Variants in MAP3K15 observed in about 807,000 individuals in gnomAD.
MAP3K15 encodes the protein MAPK/ERK kinase kinase 15.
MAP3K15 carries 124 observed loss-of-function variants against 99.5 expected under a neutral mutation model. That is an observed-to-expected ratio of 1.25 (90% CI 1.08 to 1.45). The LOEUF (loss-of-function observed/expected upper bound fraction) is 1.45, where lower values mean the gene tolerates loss of function less well. Among genes scored for constraint, MAP3K15 ranks in the 40% most tolerant of loss-of-function variants. MAP3K15 has a pLI of 0.00. For missense variants in MAP3K15, 1,242 were observed against 1,079.7 expected (o/e 1.15, Z -2.11); for synonymous variants, 494 against 439.6 (o/e 1.12, Z -1.55).
chrX:19,381,724 G>A (rs1357563236), intron 18 of MAP3K15, among the ~76,000 whole-genome samples: 3 of 112,304 alleles, frequency 2.7e-5, no homozygotes, highest in East Asian at 2.8e-4. Context: ...GACAGCACAC[G>A]GGGAGGTCAG....
At chrX:19,502,847 G>A (rs918688964) in intron 1 of MAP3K15, among the ~76,000 whole-genome samples, 3 of 111,523 alleles carry the variant, frequency 2.7e-5, no homozygotes, top group African/African-American at 9.8e-5. Flanking sequence ...TACCACTTTT[G>A]TATATAAATT....
In MAP3K15 at chrX:19,395,261, A is replaced by C. The variant is rs16981157; in HGVS notation, c.2067-53T>G. The C allele has an allele frequency of 0.015, 16,535 of 1,124,684 alleles. 1,347 individuals carry two copies. In the African/African-American group the frequency reaches 0.25, roughly 17 times the overall value. The allele number at this position is 1,124,684 out of a possible 1,213,427, so 92.7% of individuals were successfully genotyped here. A position where few individuals can be genotyped will look rare whatever the true frequency, so the allele number is the denominator to read the frequency against. On this transcript the variant is annotated intron_variant, in intron 15 of 28. Coordinates refer to ENST00000338883, the MANE Select transcript of MAP3K15 (RefSeq NM_001001671.4). ...CCTGCCAAATCCCAGGGACTCTAGA[A>C]CCACATCTCACCTCACCAGGACCTG...
chrX:19,367,968 C>A (rs575536891), intron 25 of MAP3K15, among the ~76,000 whole-genome samples: 1 of 106,295 alleles, frequency 9.4e-6, no homozygotes, highest in African/African-American at 3.4e-5. Context: ...AGGCTGGTCT[C>A]GAACCCCTAA....
At chrX:19,472,364 T>C (rs1445084476) in intron 3 of MAP3K15, among the ~76,000 whole-genome samples, 3 of 111,683 alleles carry the variant, frequency 2.7e-5, no homozygotes, top group Admixed American at 9.5e-5. Context: ...TAGTTATGCA[T>C]GCAATTATAA....
rs1198963253 is a variant in MAP3K15 at position 19,392,328 on chromosome X, T to C, written c.2325+15A>G. On this transcript the variant is annotated intron_variant, in intron 17 of 28. Transcript: ENST00000338883. ...ACGAGCAAAGGCAACCTCGTCAGCT[T>C]AAAAAAGCAAGTACCTTTATGTCTC... 1 of 1,201,559 alleles carries C rather than the reference T, an allele frequency of 8.3e-7. No individual in the cohort carries two copies. The highest frequency in any genetic ancestry group is 1.8e-5 in the South Asian group (1 of 54,998).
At chrX:19,514,292 G>A (rs2064540529) in intron 1 of MAP3K15, among the ~76,000 whole-genome samples, 1 of 106,581 alleles carries the variant, frequency 9.4e-6, no homozygotes, top group African/African-American at 3.4e-5. Flanking sequence ...TGGGACCCAC[G>A]GCCGTAAGAG....
chrX:19,498,083 T>C (rs922298897), intron 1 of MAP3K15, among the ~76,000 whole-genome samples: 11 of 112,293 alleles, frequency 9.8e-5, no homozygotes, highest in African/African-American at 3.2e-4. Flanking sequence ...AATGGAAATG[T>C]ATACTGATCG....
intron 9 of MAP3K15, among the ~76,000 whole-genome samples, chrX:19,423,791 C>T (rs908434379): frequency 8.1e-5 from 9 of 111,647 alleles, no homozygotes; most frequent in African/African-American, 2.9e-4. Context: ...ATAGTCTATG[C>T]TAACGATATG....
At chrX:19,426,483 T>C (rs2063831078) in intron 7 of MAP3K15, 140 bp from the exon 8 acceptor site, 4 of 346,809 alleles carry the variant, frequency 1.2e-5, no homozygotes, top group South Asian at 1.1e-4. Context: ...ACCACCACCT[T>C]TACCAACAGC....
chrX:19,481,713 A>G (rs1366565141), intron 3 of MAP3K15, among the ~76,000 whole-genome samples: 1 of 111,720 alleles, frequency 9.0e-6, no homozygotes, highest in Non-Finnish European at 1.9e-5. Flanking sequence ...AATGCAAACT[A>G]AAAGTACACT....
chrX:19,471,888 T>C (rs2064209737), intron 3 of MAP3K15, among the ~76,000 whole-genome samples: 1 of 111,670 alleles, frequency 9.0e-6, no homozygotes. Flanking sequence ...CACTTTCAGA[T>C]CAACAAAAGC....
intron 3 of MAP3K15, among the ~76,000 whole-genome samples, chrX:19,472,956 C>G (rs1036641227): frequency 1.8e-5 from 2 of 112,111 alleles, no homozygotes; most frequent in African/African-American, 6.5e-5. Flanking sequence ...ATCACAAGTT[C>G]TTTGGTGAAA....
At chrX:19,496,958 C>G (rs900343232) in intron 1 of MAP3K15, 2 of 110,808 alleles carry the variant, frequency 1.8e-5, no homozygotes, top group African/African-American at 6.6e-5. Context: ...GGCCATGTTG[C>G]TTGGAACTTG....
intron 20 of MAP3K15, among the ~76,000 whole-genome samples, chrX:19,373,903 C>T (rs2063399265): frequency 9.0e-6 from 1 of 111,293 alleles, no homozygotes; most frequent in African/African-American, 3.3e-5. Context: ...AGTTGCTGAG[C>T]CACTCACTCT....
intron 3 of MAP3K15, among the ~76,000 whole-genome samples, chrX:19,470,018 A>T (rs1283159537): frequency 1.8e-5 from 2 of 111,283 alleles, no homozygotes; most frequent in East Asian, 5.6e-4. Context: ...CTAGAACTAG[A>T]AATACCATTT....
intron 9 of MAP3K15, among the ~76,000 whole-genome samples, chrX:19,420,287 T>C (rs1207224878): frequency 3.0e-4 from 33 of 111,457 alleles, no homozygotes; most frequent in African/African-American, 7.8e-4. Context: ...ATTGATAGAC[T>C]GCTAGCAAGA....
In MAP3K15 at chrX:19,456,997, A is replaced by G. The variant is rs767425175; in HGVS notation, c.911T>C (p.Leu304Pro). 2.5e-6 allele frequency: 3 copies of G among 1,197,978 alleles called. No individual in the cohort carries two copies. The highest frequency in any genetic ancestry group is 3.4e-6 in the Non-Finnish European group (3 of 893,118). The change falls in exon 6 of 29, where the codon CTG becomes CCG. Residue 304 changes from leucine (L) to proline (P), a missense_variant. Transcript: ENST00000338883. ...DIQDYDAMVKLVETLEMLPTC... is the reference protein window; with the variant it reads ...DIQDYDAMVKPVETLEMLPTC... ...AGGCAGCATCTCCAGTGTTTCCACC[A>G]GCTTCACCATCGCATCATAGTCCTG...
At chrX:19,431,347 A>G (rs2063879576) in intron 7 of MAP3K15, 91 bp downstream of exon 7, 1 of 863,661 alleles carries the variant, frequency 1.2e-6, no homozygotes, top group African/African-American at 2.0e-5. Context: ...ACAGACAGAC[A>G]TATACATAAG....
chrX:19,392,265 C>A, intron 17 of MAP3K15, 78 bp downstream of exon 17: 1 of 1,095,673 alleles, frequency 9.1e-7, no homozygotes, highest in Non-Finnish European at 1.2e-6. Context: ...GTCAGCCAGT[C>A]ACTCAGCAGA....
Sources: allele counts gnomAD v4.1 joint callset (sites outside exome capture counted in the v4.1 genomes callset), GRCh38; gene constraint gnomAD v4.1.1; transcripts MANE v1.5; gene names NCBI Gene and HGNC (gene_info 2026-07-23, HGNC 2026-07-21).